GPC6: variants seen among roughly 807,000 people sequenced by gnomAD.
GPC6 encodes glypican-6.
GPC6 carries 14 observed loss-of-function variants against 55.2 expected under a neutral mutation model. The ratio of observed to expected loss-of-function variants is 0.25; its 90% confidence interval spans 0.17 to 0.40. The LOEUF (loss-of-function observed/expected upper bound fraction) is 0.40. Ranked by LOEUF, GPC6 falls within the 10% of genes least tolerant of loss-of-function variation. The probability of loss-of-function intolerance (pLI) is 1.00; values close to 1 mark genes in which losing one functional copy is unlikely to be tolerated. For synonymous variants in GPC6, 278 were observed against 259.6 expected (o/e 1.07, Z -0.68); for missense variants, 641 against 708.5 (o/e 0.90, Z 1.08).
At position 94,185,319 on chromosome 13, in the gene GPC6, A is replaced by G. The variant is rs116652245; in HGVS notation, c.878-101030A>G. On this transcript the variant is annotated intron_variant, in intron 4 of 8. Transcript: ENST00000377047. Reference sequence around the variant, plus strand: ...CAAAATCAACCAACCATAAAATAACATTCTGGATTACCTGCTGTGGGGCTC... The same window carrying G: ...CAAAATCAACCAACCATAAAATAACGTTCTGGATTACCTGCTGTGGGGCTC... 3.1e-3 allele frequency among the ~76,000 whole-genome samples: 473 copies of G among 151,950 alleles called. 6 individuals are homozygous for G. The highest frequency in any genetic ancestry group is 0.011 in the African/African-American group (457 of 41,492).
chr13:93,246,197 G>A (rs1009883865), intron 1 of GPC6, among the ~76,000 whole-genome samples: 10 of 152,218 alleles, frequency 6.6e-5, no homozygotes, highest in Non-Finnish European at 1.0e-4. Context: ...TTTAGAGCTG[G>A]TCACTCTGCA....
At chr13:93,542,848 T>C (rs1017630924) in intron 1 of GPC6, among the ~76,000 whole-genome samples, 4 of 152,150 alleles carry the variant, frequency 2.6e-5, no homozygotes, top group African/African-American at 9.7e-5. Flanking sequence ...TGTATAAGAA[T>C]GCTTGTGATT....
chr13:93,459,621 A>G (rs376023534), intron 1 of GPC6, among the ~76,000 whole-genome samples: 1 of 152,140 alleles, frequency 6.6e-6, no homozygotes, highest in East Asian at 1.9e-4. Context: ...GTCCCCGGGT[A>G]TTCTAATCTG....
chr13:93,288,719 A>C (rs532817181), intron 1 of GPC6, among the ~76,000 whole-genome samples: 1 of 152,338 alleles, frequency 6.6e-6, no homozygotes, highest in Non-Finnish European at 1.5e-5. Flanking sequence ...AATTTTAATT[A>C]ATATGTATTC....
intron 4 of GPC6, among the ~76,000 whole-genome samples, chr13:94,168,717 A>AT (rs1489344757): frequency 6.8e-6 from 1 of 148,082 alleles, no homozygotes; most frequent in Non-Finnish European, 1.5e-5. Flanking sequence ...ATATATATAA[A>AT]ATATATATTA....
chr13:93,367,582 G>A (rs150269597), intron 1 of GPC6, among the ~76,000 whole-genome samples: 58 of 151,896 alleles, frequency 3.8e-4, no homozygotes, highest in African/African-American at 1.4e-3. Flanking sequence ...ATTTCCTTTC[G>A]GCAGTGTTTT....
chr13:94,146,325 G>C (rs571510830), intron 4 of GPC6, among the ~76,000 whole-genome samples: 2 of 151,932 alleles, frequency 1.3e-5, no homozygotes. Context: ...AAAAAAACAA[G>C]TTGTGTGACT....
chr13:93,781,546 A>G (rs111636398), intron 2 of GPC6, among the ~76,000 whole-genome samples: 29 of 152,234 alleles, frequency 1.9e-4, no homozygotes, highest in African/African-American at 6.0e-4. Flanking sequence ...ATTCCCTGTC[A>G]GAAGCATTTC....
At chr13:94,111,903 G>A (rs1379949281) in intron 4 of GPC6, among the ~76,000 whole-genome samples, 1 of 152,068 alleles carries the variant, frequency 6.6e-6, no homozygotes, top group African/African-American at 2.4e-5. Flanking sequence ...CGTGGACCCT[G>A]TCTCTCTCAC....
intron 2 of GPC6, among the ~76,000 whole-genome samples, chr13:93,693,306 G>A (rs1336228509): frequency 6.6e-6 from 1 of 152,076 alleles, no homozygotes; most frequent in Admixed American, 6.6e-5. Flanking sequence ...TAGTTTAAAT[G>A]ATAAAGTTAA....
chr13:94,136,342 G>A (rs763338373), intron 4 of GPC6, among the ~76,000 whole-genome samples: 4 of 152,268 alleles, frequency 2.6e-5, no homozygotes, highest in Non-Finnish European at 2.9e-5. Flanking sequence ...AGAGAGTGGC[G>A]ATAAGAGGCC....
chr13:93,402,769 A>C (rs909929263), intron 1 of GPC6, among the ~76,000 whole-genome samples: 7 of 152,132 alleles, frequency 4.6e-5, no homozygotes, highest in Admixed American at 4.6e-4. Flanking sequence ...AGTGCTTCAC[A>C]TAATACATGC....
At chr13:93,864,686 T>C (rs1223710510) in intron 3 of GPC6, among the ~76,000 whole-genome samples, 3 of 151,756 alleles carry the variant, frequency 2.0e-5, no homozygotes, top group African/African-American at 7.2e-5. Flanking sequence ...CTACTGTCTT[T>C]ATAGTATCAT....
At chr13:94,052,003 G>A (rs1490695655) in intron 4 of GPC6, among the ~76,000 whole-genome samples, 2 of 152,138 alleles carry the variant, frequency 1.3e-5, no homozygotes, top group African/African-American at 4.8e-5. Context: ...GTTTCTCCAT[G>A]TAAGGTAGTG....
At chr13:94,317,290 A>T (rs759045692) in intron 6 of GPC6, among the ~76,000 whole-genome samples, 1 of 152,228 alleles carries the variant, frequency 6.6e-6, no homozygotes, top group Admixed American at 6.5e-5. Context: ...TTGACCTCAG[A>T]AAACTCCCCA....
chr13:94,327,124 T>G (rs1877162222), intron 6 of GPC6, among the ~76,000 whole-genome samples: 1 of 152,222 alleles, frequency 6.6e-6, no homozygotes, highest in Admixed American at 6.5e-5. Flanking sequence ...GAATTTGTTA[T>G]CTTTTTCTCC....
intron 4 of GPC6, among the ~76,000 whole-genome samples, chr13:94,150,025 T>C (rs1887684228): frequency 1.3e-5 from 2 of 152,138 alleles, no homozygotes; most frequent in Non-Finnish European, 2.9e-5. Flanking sequence ...CACATGGAGT[T>C]TGGAGTCCCA....
chr13:94,290,429 T>TAA (rs532958421), intron 5 of GPC6, among the ~76,000 whole-genome samples: 219 of 99,020 alleles, frequency 2.2e-3, no homozygotes, highest in South Asian at 0.01. Flanking sequence ...TCTAGAAAGG[T>TAA]AAAAAAAAAA....
intron 4 of GPC6, among the ~76,000 whole-genome samples, chr13:94,048,649 G>A (rs1883820131): frequency 6.6e-6 from 1 of 151,944 alleles, no homozygotes; most frequent in South Asian, 2.1e-4. Context: ...TACATTCGGG[G>A]ACCTCAGAAC....
Sources: allele counts gnomAD v4.1 joint callset (sites outside exome capture counted in the v4.1 genomes callset), GRCh38; gene constraint gnomAD v4.1.1; transcripts MANE v1.5; gene names NCBI Gene and HGNC (gene_info 2026-07-23, HGNC 2026-07-21).